Variants in ARHGEF3 observed in about 807,000 individuals in gnomAD.
ARHGEF3 encodes the protein 59.8 kDA protein.
In ARHGEF3, 28 loss-of-function variants were observed where a neutral mutation model predicts 63.2. That is an observed-to-expected ratio of 0.44 (90% confidence interval 0.33 to 0.61). The LOEUF (loss-of-function observed/expected upper bound fraction) is 0.61. Ranked by LOEUF, ARHGEF3 falls within the 20% of genes least tolerant of loss-of-function variation. ARHGEF3 has a pLI of 0.03. For synonymous variants in ARHGEF3, 266 were observed against 254.2 expected, an observed-to-expected ratio of 1.05 and a Z score of -0.44; for missense variants, 533 against 659.3, an observed-to-expected ratio of 0.81 and a Z score of 2.10.
At chr3:56,936,702 C>T (rs934595333) in intron 3 of ARHGEF3, among the ~76,000 whole-genome samples, 1 of 152,210 alleles carries the variant, frequency 6.6e-6, no homozygotes, top group Non-Finnish European at 1.5e-5. Flanking sequence ...ATAAACCCAA[C>T]TGTGAGACAC....
In ARHGEF3 at chr3:56,736,049, A is replaced by AACACACACAC. The variant is rs10530565; in HGVS notation, c.1041+1126_1041+1135dup. Among the ~76,000 whole-genome samples, 480 of 147,176 alleles carry AACACACACAC rather than the reference A, an allele frequency of 3.3e-3. 2 individuals are homozygous for AACACACACAC. The highest frequency in any genetic ancestry group is 0.011 in the African/African-American group (455 of 40,386). ...ATGGCTATCTCAACACAGAAATTTA[A>AACACACACAC]ACACACACACACACACACACACACA... On this transcript the variant is annotated intron_variant, in intron 8 of 9. Coordinates refer to ENST00000296315, the MANE Select transcript of ARHGEF3 (RefSeq NM_019555.3).
intron 4 of ARHGEF3, among the ~76,000 whole-genome samples, chr3:56,846,272 C>T (rs1411870829): frequency 1.3e-5 from 2 of 152,152 alleles, no homozygotes; most frequent in Non-Finnish European, 2.9e-5. Context: ...AGAACACAAA[C>T]ATGGTTGGCC....
At chr3:56,859,339 C>T (rs567925210) in intron 4 of ARHGEF3, among the ~76,000 whole-genome samples, 3 of 151,692 alleles carry the variant, frequency 2.0e-5, no homozygotes, top group South Asian at 4.2e-4. Flanking sequence ...CAGGGTTTCA[C>T]CGTGTTAGCC....
At chr3:56,946,359 C>T (rs1172884703) in intron 3 of ARHGEF3, among the ~76,000 whole-genome samples, 1 of 151,960 alleles carries the variant, frequency 6.6e-6, no homozygotes, top group Non-Finnish European at 1.5e-5. Flanking sequence ...AAACCCATGG[C>T]AAAGAAGTTA....
At chr3:57,064,323 C>CTT (rs148897316) in intron 1 of ARHGEF3, among the ~76,000 whole-genome samples, 3 of 149,850 alleles carry the variant, frequency 2.0e-5, no homozygotes, top group African/African-American at 7.4e-5. Flanking sequence ...TTTTTTCTTT[C>CTT]TTTTTTTTTC....
chr3:56,888,443 G>GT (rs1291544011), intron 3 of ARHGEF3, among the ~76,000 whole-genome samples: 2 of 152,164 alleles, frequency 1.3e-5, no homozygotes, highest in African/African-American at 4.8e-5. Context: ...TCAATGCCAC[G>GT]TGCCTATATG....
intron 3 of ARHGEF3, among the ~76,000 whole-genome samples, chr3:56,888,418 C>T (rs1475272016): frequency 1.3e-5 from 2 of 152,142 alleles, no homozygotes; most frequent in Admixed American, 6.5e-5. Flanking sequence ...TTAATGGGCA[C>T]CTGACCCCTT....
At chr3:56,775,800 GCACA>G (rs146595496) in intron 1 of ARHGEF3, 109 of 213,600 alleles carry the variant, frequency 5.1e-4, no homozygotes, top group African/African-American at 8.5e-4. Flanking sequence ...ACACGCGCAA[GCACA>G]CACACACACA....
At chr3:56,912,936 A>C (rs957022401) in intron 3 of ARHGEF3, among the ~76,000 whole-genome samples, 2 of 152,190 alleles carry the variant, frequency 1.3e-5, no homozygotes, top group Non-Finnish European at 2.9e-5. Flanking sequence ...CCAGGAGTTC[A>C]AGACGAGCCT....
intron 7 of ARHGEF3, among the ~76,000 whole-genome samples, chr3:56,739,090 G>T (rs1052961276): frequency 6.6e-6 from 1 of 151,970 alleles, no homozygotes; most frequent in Non-Finnish European, 1.5e-5. Context: ...GCAAGACTCC[G>T]TCTCAAAAAA....
chr3:57,029,598 G>C (rs532587195), intron 2 of ARHGEF3, among the ~76,000 whole-genome samples: 1 of 152,254 alleles, frequency 6.6e-6, no homozygotes, highest in South Asian at 2.1e-4. Flanking sequence ...CACTTTATAG[G>C]CTCTGATGAG....
chr3:56,739,541 A>T (rs1009157112), intron 7 of ARHGEF3, among the ~76,000 whole-genome samples: 16 of 151,568 alleles, frequency 1.1e-4, no homozygotes, highest in African/African-American at 3.9e-4. Flanking sequence ...CTGGGACCAC[A>T]GGCGTGCGCC....
chr3:56,815,762 T>C (rs576185758), intron 4 of ARHGEF3, among the ~76,000 whole-genome samples: 68 of 152,374 alleles, frequency 4.5e-4, no homozygotes, highest in African/African-American at 1.6e-3. Flanking sequence ...GTCTTCTTCC[T>C]ACAGGCCTGT....
chr3:56,923,948 AG>A (rs35961204), intron 3 of ARHGEF3, among the ~76,000 whole-genome samples: 2 of 152,246 alleles, frequency 1.3e-5, no homozygotes, highest in Non-Finnish European at 2.9e-5. Flanking sequence ...ACCTCCTCCC[AG>A]TTAGGGCTCT....
At chr3:57,028,682 T>TA (rs1465178262) in intron 2 of ARHGEF3, among the ~76,000 whole-genome samples, 1 of 140,586 alleles carries the variant, frequency 7.1e-6, no homozygotes, top group East Asian at 2.0e-4. Flanking sequence ...CCCTAAAACT[T>TA]AAAGTATAAT....
intron 8 of ARHGEF3, among the ~76,000 whole-genome samples, chr3:56,733,984 CA>C (rs777924213): frequency 0.034 from 1,879 of 55,090 alleles, 20 homozygotes; most frequent in East Asian, 0.11. Context: ...AATTCTGTCT[CA>C]AAAAAAAAAA....
intron 1 of ARHGEF3, among the ~76,000 whole-genome samples, chr3:57,061,623 T>C (rs1464126723): frequency 6.6e-6 from 1 of 152,202 alleles, no homozygotes; most frequent in African/African-American, 2.4e-5. Flanking sequence ...TCTGTTTGGA[T>C]CTCTGCTTTC....
Position 56,751,055 on chromosome 3 carries a change from C to A in ARHGEF3, c.612+1G>T. On this transcript the variant is annotated splice_donor_variant, in intron 6 of 9. Coordinates refer to ENST00000296315, the MANE Select transcript of ARHGEF3 (RefSeq NM_019555.3). LOFTEE classifies it high-confidence loss of function. ...CAATAAAGACCAGAGAACTTTCTTA[C>A]CCAGCCCACGAGGATGGGACCAACA... The A allele has an allele frequency of 6.2e-7, 1 of 1,612,542 alleles. No individual in the cohort carries two copies. Among genetic ancestry groups the A allele is most frequent in the Non-Finnish European group, 8.5e-7 (1 of 1,178,930 alleles).
chr3:56,766,695 C>T (rs185745473), intron 2 of ARHGEF3, among the ~76,000 whole-genome samples: 1 of 152,266 alleles, frequency 6.6e-6, no homozygotes, highest in East Asian at 1.9e-4. Flanking sequence ...AAGAGAAAAA[C>T]TGTAGCAAAA....
Sources: allele counts gnomAD v4.1 joint callset (sites outside exome capture counted in the v4.1 genomes callset), GRCh38; gene constraint gnomAD v4.1.1; transcripts MANE v1.5; gene names NCBI Gene and HGNC (gene_info 2026-07-23, HGNC 2026-07-21).